The following DNAH5 variants were observed in gnomAD, a reference collection of about 807,000 sequenced individuals.
DNAH5 encodes axonemal beta dynein heavy chain 5.
Under a neutral mutation model 518.2 loss-of-function variants are expected in DNAH5, and 372 were observed. The observed-to-expected ratio is 0.72, with a 90% CI of 0.66 to 0.78. The LOEUF (loss-of-function observed/expected upper bound fraction) is 0.78. Ranked by LOEUF, DNAH5 falls within the 30% of genes least tolerant of loss-of-function variation. The pLI, the probability that DNAH5 is intolerant of heterozygous loss-of-function variation, is 0.00. For synonymous variants in DNAH5, 2,039 were observed against 2,025.9 expected (o/e 1.01, Z -0.17); for missense variants, 5,523 against 5,687.0 (o/e 0.97, Z 0.93).
intron 38 of DNAH5, among the ~76,000 whole-genome samples, chr5:13,825,655 T>C (rs1762798905): frequency 6.6e-6 from 1 of 152,116 alleles, no homozygotes; most frequent in Admixed American, 6.5e-5. Context: ...CTATTGGCAA[T>C]AGTCAAATTC....
At chr5:13,824,897 G>T (rs938433851) in intron 38 of DNAH5, among the ~76,000 whole-genome samples, 2 of 152,104 alleles carry the variant, frequency 1.3e-5, no homozygotes, top group African/African-American at 2.4e-5. Flanking sequence ...ATTTACAAAA[G>T]CTCAATTATG....
At chr5:13,910,687 T>C (rs1361714552) in intron 12 of DNAH5, among the ~76,000 whole-genome samples, 1 of 152,166 alleles carries the variant, frequency 6.6e-6, no homozygotes, top group African/African-American at 2.4e-5. Context: ...ACATTCCCCG[T>C]GACCCAGTGG....
chr5:13,727,653 A>T lies in DNAH5; in HGVS notation c.11887T>A (p.Ser3963Thr). The change falls in exon 70 of 79, where the codon TCG becomes ACG. Residue 3963 changes from serine (S) to threonine (T), a missense_variant. Ser to Thr is a moderately conservative substitution (Grantham distance 58, BLOSUM62 1). This residue lies in a region of DNAH5 where 5,121 missense variants were observed against 5,223.3 expected (regional missense o/e 0.98). Transcript: ENST00000265104. ...RQFSDVLDQI[S>T]RNEKMWKIWF... ...ATTTTCCACATTTTCTCATTTCTCG[A>T]TATCTGAAAATACCATGGGATAAAA... The T allele has an allele frequency of 6.2e-7, 1 of 1,613,732 alleles. No homozygotes were observed. Among genetic ancestry groups the T allele is most frequent in the African/African-American group, 1.3e-5 (1 of 75,038 alleles).
At chr5:14,002,376 A>T (rs1784418571) in intron 1 of DNAH5, among the ~76,000 whole-genome samples, 1 of 152,146 alleles carries the variant, frequency 6.6e-6, no homozygotes, top group African/African-American at 2.4e-5. Flanking sequence ...TTTTTTTCTA[A>T]GGTTAAAAAT....
At chr5:13,704,320 C>T (rs1467332374) in intron 76 of DNAH5, among the ~76,000 whole-genome samples, 2 of 152,150 alleles carry the variant, frequency 1.3e-5, no homozygotes, top group Admixed American at 6.5e-5. Context: ...TGCTCCCACA[C>T]TCTCTTGTGC....
chr5:13,791,878 T>C (rs772195228), intron 50 of DNAH5, 116 bp downstream of exon 50: 22 of 865,796 alleles, frequency 2.5e-5, no homozygotes, highest in Non-Finnish European at 3.7e-5. Context: ...AGAATACCCA[T>C]GCTGAAACAT....
intron 6 of DNAH5, among the ~76,000 whole-genome samples, chr5:13,919,994 A>C (rs1777082153): frequency 6.6e-6 from 1 of 152,242 alleles, no homozygotes; most frequent in Admixed American, 6.5e-5. Flanking sequence ...TTTCTTGGCT[A>C]TTCATTTACT....
chr5:13,713,238 T>C (rs1330821339), intron 75 of DNAH5, among the ~76,000 whole-genome samples: 1 of 146,718 alleles, frequency 6.8e-6, no homozygotes, highest in Non-Finnish European at 1.5e-5. Flanking sequence ...TATATGTATA[T>C]ACCAACATAT....
chr5:13,959,136 G>A (rs1361615200), intron 1 of DNAH5, among the ~76,000 whole-genome samples: 2 of 152,140 alleles, frequency 1.3e-5, no homozygotes, highest in African/African-American at 2.4e-5. Context: ...TATTAGAGAC[G>A]GGGTTTCACC....
At chr5:13,976,579 G>T (rs1782255407) in intron 1 of DNAH5, among the ~76,000 whole-genome samples, 1 of 151,930 alleles carries the variant, frequency 6.6e-6, no homozygotes, top group South Asian at 2.1e-4. Flanking sequence ...GTATATTGTT[G>T]TAATTGTTCC....
At chr5:13,693,181 C>CA (rs1477868894) in intron 78 of DNAH5, among the ~76,000 whole-genome samples, 1 of 152,056 alleles carries the variant, frequency 6.6e-6, no homozygotes, top group Non-Finnish European at 1.5e-5. Flanking sequence ...GTCAATATTA[C>CA]AAAAAAATTA....
chr5:13,964,329 G>A (rs1233459219), intron 1 of DNAH5, among the ~76,000 whole-genome samples: 1 of 152,180 alleles, frequency 6.6e-6, no homozygotes, highest in African/African-American at 2.4e-5. Context: ...GTGACTGGGT[G>A]AGTCTCTCCT....
At chr5:13,911,582 T>C in intron 11 of DNAH5, 89 bp from the exon 12 acceptor site, 1 of 1,017,464 alleles carries the variant, frequency 9.8e-7, no homozygotes, top group Non-Finnish European at 1.4e-6. Context: ...GCCTATACAA[T>C]AATTGCCAGA....
Position 13,776,560 on chromosome 5 carries a change from A to G in DNAH5, c.9252T>C (p.Ile3084=). ...FMSRVRQNLH[I]VLCFSPVGEK... ...CCCCCACTGGCGAGAAGCAGAGCAC[A>G]ATATGAAGGTTCTGTCGGACCCGAC... The change falls in exon 55 of 79, where the codon ATT becomes ATC. Residue 3084 remains isoleucine (I), a synonymous_variant. Coordinates refer to ENST00000265104, the MANE Select transcript of DNAH5 (RefSeq NM_001369.3). 6.2e-7 allele frequency: 1 copy of G among 1,613,938 alleles called. No individual in the cohort carries two copies. The highest frequency in any genetic ancestry group is 8.5e-7 in the Non-Finnish European group (1 of 1,179,862).
chr5:13,862,849 TATAA>T lies in DNAH5; in HGVS notation c.4597-106_4597-103del, dbSNP rs1179560120. On this transcript the variant is annotated intron_variant, in intron 28 of 78. Coordinates refer to ENST00000265104, the MANE Select transcript of DNAH5 (RefSeq NM_001369.3). Reference sequence around the variant, plus strand: ...ATCTTCACTATTTGCTTCATATATATATAAATATATATATAAACTTTTATATTTC... The same window carrying T: ...ATCTTCACTATTTGCTTCATATATATATATATATATAAACTTTTATATTTC... 28 of 337,464 alleles carry T rather than the reference TATAA, an allele frequency of 8.3e-5. 1 individual carries two copies. The highest frequency in any genetic ancestry group is 5.2e-4 in the African/African-American group (22 of 42,064). The allele number at this position is 337,464 out of a possible 1,614,324, so 20.9% of individuals were successfully genotyped here. A position where few individuals can be genotyped will look rare whatever the true frequency, so the allele number is the denominator to read the frequency against.
intron 1 of DNAH5, among the ~76,000 whole-genome samples, chr5:13,981,517 G>A (rs1474118481): frequency 6.6e-6 from 1 of 152,180 alleles, no homozygotes; most frequent in Non-Finnish European, 1.5e-5. Context: ...CCTGTGGGAA[G>A]AAGCAAGGTA....
At chr5:13,784,776 T>C (rs1195166987) in intron 52 of DNAH5, among the ~76,000 whole-genome samples, 1 of 152,176 alleles carries the variant, frequency 6.6e-6, no homozygotes, top group Non-Finnish European at 1.5e-5. Flanking sequence ...TAAGTGAGAA[T>C]ATCAACAATG....
At chr5:13,917,972 C>T (rs1776821908) in intron 7 of DNAH5, among the ~76,000 whole-genome samples, 1 of 152,182 alleles carries the variant, frequency 6.6e-6, no homozygotes, top group Non-Finnish European at 1.5e-5. Context: ...GCACCAGTGC[C>T]AGGTGAGTTA....
intron 60 of DNAH5, among the ~76,000 whole-genome samples, chr5:13,760,009 C>T (rs1390405446): frequency 6.6e-6 from 1 of 152,152 alleles, no homozygotes; most frequent in African/African-American, 2.4e-5. Context: ...AAAAGCATCG[C>T]TTGTAAGTTA....
Sources: allele counts gnomAD v4.1 joint callset (sites outside exome capture counted in the v4.1 genomes callset), GRCh38; gene constraint gnomAD v4.1.1; regional missense constraint gnomAD v4.1.1; transcripts MANE v1.5; gene names NCBI Gene and HGNC (gene_info 2026-07-23, HGNC 2026-07-21).